The following TMEM44 variants were observed in gnomAD, a reference collection of about 807,000 sequenced individuals.
The protein encoded by TMEM44 is transmembrane protein 44.
Under a neutral mutation model 47.8 loss-of-function variants are expected in TMEM44, and 43 were observed. That is an observed-to-expected ratio of 0.90 (90% confidence interval 0.70 to 1.16). The LOEUF (loss-of-function observed/expected upper bound fraction) is 1.16. TMEM44 is among the 50% of genes most tolerant of loss of function. TMEM44 has a pLI of 0.00. For synonymous variants in TMEM44, 277 were observed against 238.8 expected, an observed-to-expected ratio of 1.16 and a Z score of -1.48; for missense variants, 568 against 555.2, an observed-to-expected ratio of 1.02 and a Z score of -0.23.
intron 5 of TMEM44, 47 bp from the exon 6 acceptor site, chr3:194,617,316 A>C (rs1716022888): frequency 1.4e-6 from 2 of 1,478,342 alleles, no homozygotes; most frequent in Non-Finnish European, 1.8e-6. Flanking sequence ...AGCAGATCAC[A>C]AGACCCAGGG....
chr3:194,615,699 T>G lies in TMEM44; in HGVS notation c.784-2A>C, dbSNP rs1418689709. On this transcript the variant is annotated splice_acceptor_variant, in intron 6 of 9. Coordinates refer to ENST00000347147, the MANE Select transcript of TMEM44 (RefSeq NM_001011655.3). LOFTEE classifies it high-confidence loss of function. ...CATCACACACGAAAGGAAAATAATC[T>G]GAGATGGTGTAAGTTAAGGTAGGAA... 6 of 1,613,704 alleles carry G rather than the reference T, an allele frequency of 3.7e-6. No homozygotes were observed. The highest frequency in any genetic ancestry group is 5.1e-6 in the Non-Finnish European group (6 of 1,179,710).
intron 9 of TMEM44, among the ~76,000 whole-genome samples, chr3:194,598,474 C>T (rs1713683113): frequency 6.6e-6 from 1 of 152,160 alleles, no homozygotes; most frequent in Admixed American, 6.5e-5. Context: ...TGGGTTCAAA[C>T]CCCAGCCCTG....
intron 9 of TMEM44, among the ~76,000 whole-genome samples, chr3:194,603,291 T>G (rs1158982771): frequency 6.6e-6 from 1 of 152,260 alleles, no homozygotes; most frequent in Non-Finnish European, 1.5e-5. Flanking sequence ...TCAGCCGTGG[T>G]GCCCACGACA....
intron 9 of TMEM44, among the ~76,000 whole-genome samples, chr3:194,599,594 T>TCTTTTTC (rs1713834894): frequency 6.7e-6 from 1 of 150,072 alleles, no homozygotes; most frequent in Non-Finnish European, 1.5e-5. Context: ...TTCTTTTTTT[T>TCTTTTTC]TTTTTTTTGA....
chr3:194,613,232 C>A (rs1010336326), intron 7 of TMEM44, among the ~76,000 whole-genome samples: 2 of 151,908 alleles, frequency 1.3e-5, no homozygotes, highest in African/African-American at 2.4e-5. Context: ...GGCTGGAGTA[C>A]AGTGGCACGA....
At chr3:194,616,053 A>AC (rs199806900) in intron 6 of TMEM44, among the ~76,000 whole-genome samples, 3 of 148,918 alleles carry the variant, frequency 2.0e-5, no homozygotes, top group Admixed American at 2.0e-4. Flanking sequence ...TCTGAATGTG[A>AC]CCCCCTTTTT....
At chr3:194,621,886 AT>A (rs1295344570) in intron 5 of TMEM44, among the ~76,000 whole-genome samples, 1 of 152,076 alleles carries the variant, frequency 6.6e-6, no homozygotes, top group Non-Finnish European at 1.5e-5. Context: ...TAGTTTTTGT[AT>A]TTTTAGTAGA....
intron 9 of TMEM44, among the ~76,000 whole-genome samples, chr3:194,602,429 T>C (rs1309090838): frequency 1.3e-5 from 2 of 152,036 alleles, no homozygotes. Context: ...TGGTGAAACC[T>C]CATCTTTACT....
In TMEM44 at chr3:194,604,256, C is replaced by T. The variant is rs749783630; in HGVS notation, c.1176+31G>A. 9.6e-6 allele frequency: 15 copies of T among 1,565,464 alleles called. No individual in the cohort carries two copies. The East Asian group carries it at 9.7e-5, about 10-fold the overall frequency. Reference sequence around the variant, plus strand: ...AAGTGTCGGCGAACGATGGCACCCACGCACCCGCCCAGCAGGCAACAGCCG... The same window carrying T: ...AAGTGTCGGCGAACGATGGCACCCATGCACCCGCCCAGCAGGCAACAGCCG... On this transcript the variant is annotated intron_variant, in intron 9 of 9. Coordinates refer to ENST00000347147, the MANE Select transcript of TMEM44 (RefSeq NM_001011655.3).
rs560641277 is a variant in TMEM44 at position 194,611,503 on chromosome 3, G to A, written c.913-483C>T. ...CTAGGGGACAGAGTGAGACCCTGTC[G>A]TACAAACAAAACAAAACAAGGAATG... On this transcript the variant is annotated intron_variant, in intron 7 of 9. Transcript: ENST00000347147. The surrounding 1 kb of genome is among the most constrained non-coding windows in gnomAD (Gnocchi z 4.2). Among the ~76,000 whole-genome samples, 4 of 152,272 alleles carry A rather than the reference G, an allele frequency of 2.6e-5. No homozygotes were observed. In the South Asian group the frequency reaches 6.2e-4, roughly 24 times the overall value.
At chr3:194,599,586 CTTT>C (rs35672774) in intron 9 of TMEM44, among the ~76,000 whole-genome samples, 45 of 129,012 alleles carry the variant, frequency 3.5e-4, no homozygotes, top group South Asian at 4.9e-4. Flanking sequence ...TTTTTCTTTT[CTTT>C]TTTTTTTTTT....
intron 8 of TMEM44, among the ~76,000 whole-genome samples, chr3:194,605,069 A>T (rs2898607): frequency 0.13 from 19,322 of 152,274 alleles, 2,762 homozygotes; most frequent in African/African-American, 0.36. Flanking sequence ...TTGGGATGAA[A>T]TAGGAAGGTT....
At chr3:194,596,833 G>C (rs1183447015) in intron 9 of TMEM44, 1 of 152,192 alleles carries the variant, frequency 6.6e-6, no homozygotes, top group Non-Finnish European at 1.5e-5. Flanking sequence ...GCCCAGTGAA[G>C]CATCTTTCTC....
intron 5 of TMEM44, among the ~76,000 whole-genome samples, chr3:194,620,888 G>A (rs1186197907): frequency 6.6e-5 from 10 of 152,082 alleles, no homozygotes; most frequent in Non-Finnish European, 1.2e-4. Flanking sequence ...TTAGCCGGGC[G>A]TGGTGGCGTG....
Position 194,588,225 on chromosome 3 carries a change from A to C in TMEM44, c.*304T>G. The stretch of plus-strand genomic sequence containing the variant: ...CCGTTCATGGCTGACTCTCAAGGGA[A>C]TGAAGGGAAAAGGAAGAGCGGGTCT... On this transcript the variant is annotated 3_prime_UTR_variant, in exon 10 of 10. Coordinates refer to ENST00000347147, the MANE Select transcript of TMEM44 (RefSeq NM_001011655.3). The C allele has an allele frequency of 2.2e-5, 7 of 322,070 alleles. No homozygotes were observed. Among genetic ancestry groups the C allele is most frequent in the Non-Finnish European group, 2.3e-5 (4 of 173,070 alleles). 20.0% of individuals were successfully genotyped at this position (322,070 alleles called of 1,614,324 possible).
At position 194,610,930 on chromosome 3, in the gene TMEM44, C is replaced by G. The variant is rs765388104; in HGVS notation, c.1003G>C (p.Glu335Gln). ...AISRYMELTI[E>Q]PVQQAGCSAT... is the part of the protein sequence containing the mutation. ...TGGCCACTCACCTGCTGCACAGGCT[C>G]GATGGTCAGCTCCATGTAGCGACTG... is the stretch of plus-strand genomic sequence containing the variant. Residue 335 changes from glutamate (E) to glutamine (Q), a missense_variant, in exon 8 of 10, where the codon GAG becomes CAG. Glu to Gln is a conservative substitution (Grantham distance 29). Transcript: ENST00000347147. The G allele has an allele frequency of 6.2e-7, 1 of 1,613,538 alleles. No homozygotes were observed. Among genetic ancestry groups the G allele is most frequent in the East Asian group, 2.2e-5 (1 of 44,880 alleles).
chr3:194,588,584 C>T lies in TMEM44; in HGVS notation c.1232G>A (p.Gly411Glu). 6.2e-7 allele frequency: 1 copy of T among 1,614,222 alleles called. No individual in the cohort carries two copies. The highest frequency in any genetic ancestry group is 1.1e-5 in the South Asian group (1 of 91,090). The change falls in exon 10 of 10, where the codon GGA becomes GAA. Residue 411 changes from glycine (G) to glutamate (E), a missense_variant. Gly to Glu is a moderately conservative substitution (Grantham distance 98). Transcript: ENST00000347147. ...EGSKENVELLGSQVHQDSVRT... is the reference protein window; with the variant it reads ...EGSKENVELLESQVHQDSVRT... ...CACAGAGTCCTGGTGCACCTGGGAT[C>T]CCAGTAGCTCCACATTTTCTTTGCT...
chr3:194,593,704 TATTAA>T (rs1467665708), intron 9 of TMEM44, among the ~76,000 whole-genome samples: 2 of 152,240 alleles, frequency 1.3e-5, no homozygotes, highest in Non-Finnish European at 2.9e-5. Flanking sequence ...TGGGAATGTC[TATTAA>T]ATTAAATAGC....
chr3:194,607,730 C>T (rs1714923793), intron 8 of TMEM44, among the ~76,000 whole-genome samples: 1 of 152,170 alleles, frequency 6.6e-6, no homozygotes, highest in Non-Finnish European at 1.5e-5. Context: ...ATAAGTACCA[C>T]GTAAGTGTTG....
Sources: allele counts gnomAD v4.1 joint callset (sites outside exome capture counted in the v4.1 genomes callset), GRCh38; gene constraint gnomAD v4.1.1; non-coding constraint Gnocchi (gnomAD v3.1); transcripts MANE v1.5; gene names NCBI Gene and HGNC (gene_info 2026-07-23, HGNC 2026-07-21).